Variants in CRIM1 observed in about 807,000 individuals in gnomAD.
The protein encoded by CRIM1 is cysteine-rich motor neuron 1 protein.
Under a neutral mutation model 116.4 loss-of-function variants are expected in CRIM1, and 32 were observed. The observed-to-expected ratio is 0.27, with a 90% CI of 0.21 to 0.37. The LOEUF (loss-of-function observed/expected upper bound fraction) is 0.37, where lower values mean the gene tolerates loss of function less well. CRIM1 is among the 10% of genes least tolerant of loss of function. CRIM1 has a pLI of 1.00. For missense variants in CRIM1, 1,331 were observed against 1,354.8 expected (o/e 0.98, Z 0.28); for synonymous variants, 590 against 509.2 (o/e 1.16, Z -2.13).
chr2:36,358,066 T>TGAA (rs1003717425), intron 1 of CRIM1, among the ~76,000 whole-genome samples: 9 of 152,130 alleles, frequency 5.9e-5, no homozygotes, highest in African/African-American at 2.2e-4. Flanking sequence ...CAGTGATGAG[T>TGAA]GAAGGGAACT....
intron 2 of CRIM1, among the ~76,000 whole-genome samples, chr2:36,422,688 A>C (rs1674163118): frequency 6.6e-6 from 1 of 152,236 alleles, no homozygotes; most frequent in Non-Finnish European, 1.5e-5. Context: ...GGTATAAATC[A>C]GCTTCATGAA....
chr2:36,513,410 C>G (rs1187640343), intron 10 of CRIM1, 146 bp from the exon 11 acceptor site: 1 of 640,008 alleles, frequency 1.6e-6, no homozygotes, highest in Non-Finnish European at 2.8e-6. Flanking sequence ...GACTTAAATT[C>G]TTTTCATGAA....
chr2:36,521,980 T>C, intron 12 of CRIM1, 112 bp from the exon 13 acceptor site: 1 of 808,752 alleles, frequency 1.2e-6, no homozygotes, highest in South Asian at 1.5e-5. Flanking sequence ...GCGTCATGTA[T>C]TTAAGGAGGC....
intron 7 of CRIM1, among the ~76,000 whole-genome samples, chr2:36,491,873 A>G (rs1026361941): frequency 4.6e-5 from 7 of 152,200 alleles, no homozygotes; most frequent in Non-Finnish European, 8.8e-5. Flanking sequence ...TATAATTCCT[A>G]TGAACATTAG....
chr2:36,374,841 T>G (rs1670201424), intron 1 of CRIM1, among the ~76,000 whole-genome samples: 1 of 139,798 alleles, frequency 7.2e-6, no homozygotes, highest in Non-Finnish European at 1.5e-5. Context: ...GCTCATGGCA[T>G]GAGGGCTGTG....
intron 1 of CRIM1, among the ~76,000 whole-genome samples, chr2:36,366,711 A>G (rs1287170334): frequency 6.6e-6 from 1 of 152,232 alleles, no homozygotes; most frequent in Non-Finnish European, 1.5e-5. Context: ...CCAGTCTACA[A>G]GAGGTAACTT....
Position 36,522,218 on chromosome 2 carries a change from T to C in CRIM1, c.2333T>C (p.Ile778Thr), listed in dbSNP as rs765742290. 1.4e-5 allele frequency: 23 copies of C among 1,614,096 alleles called. No homozygotes were observed. Among genetic ancestry groups the C allele is most frequent in the South Asian group, 9.9e-5 (9 of 91,084 alleles). Residue 778 changes from isoleucine (I) to threonine (T), a missense_variant, in exon 13 of 17, where the codon ATT (isoleucine) becomes ACT (threonine). Coordinates refer to ENST00000280527, the MANE Select transcript of CRIM1 (RefSeq NM_016441.3). ...GACGTTTGTACCAGCTGCATCTGCATTGATAGCGTAATTAGCTGTTTCTCT... is the reference window on the plus strand; with the variant it reads ...GACGTTTGTACCAGCTGCATCTGCACTGATAGCGTAATTAGCTGTTTCTCT... Reference protein sequence around the residue: ...KPDVCTSCICIDSVISCFSES... With the variant: ...KPDVCTSCICTDSVISCFSES...
chr2:36,456,267 G>T (rs987095521), intron 4 of CRIM1, among the ~76,000 whole-genome samples: 5 of 152,088 alleles, frequency 3.3e-5, no homozygotes, highest in African/African-American at 1.2e-4. Context: ...ATCCCCAGCC[G>T]CAATCCAGCT....
At chr2:36,363,691 T>G (rs3770958) in intron 1 of CRIM1, among the ~76,000 whole-genome samples, 1 of 151,830 alleles carries the variant, frequency 6.6e-6, no homozygotes, top group South Asian at 2.1e-4. Flanking sequence ...AATACTTAAT[T>G]TGGGGAGGAG....
At chr2:36,533,742 C>CTG (rs2125156699) in intron 13 of CRIM1, among the ~76,000 whole-genome samples, 1 of 152,308 alleles carries the variant, frequency 6.6e-6, no homozygotes, top group South Asian at 2.1e-4. Flanking sequence ...ACCCTGTATG[C>CTG]TGTAGCTCAG....
chr2:36,442,817 T>C, intron 4 of CRIM1, 82 bp downstream of exon 4: 1 of 1,534,308 alleles, frequency 6.5e-7, no homozygotes, highest in Non-Finnish European at 9.0e-7. Context: ...CAGTTTGTTT[T>C]CCCATGAGAA....
In CRIM1 at chr2:36,356,297, A is replaced by G. The variant is rs779933008; in HGVS notation, c.5A>G (p.Tyr2Cys). 2.2e-5 allele frequency: 34 copies of G among 1,519,346 alleles called. No homozygotes were observed. Among genetic ancestry groups the G allele is most frequent in the Non-Finnish European group, 2.8e-5 (32 of 1,131,112 alleles). 94.1% of individuals were successfully genotyped at this position (1,519,346 alleles called of 1,614,324 possible). M[Y>C]LVAGDRGLAG... is the part of the protein sequence containing the mutation. The stretch of plus-strand genomic sequence containing the variant: ...AGGCGGCGGCGGCGCAGGAGGATGT[A>G]CTTGGTGGCGGGGGACAGGGGGTTG... The change falls in exon 1 of 17, where the codon TAC becomes TGC. Residue 2 changes from tyrosine (Y) to cysteine (C), a missense_variant. Tyr to Cys is a radical substitution (Grantham distance 194, BLOSUM62 -2). Transcript: ENST00000280527. This position sits in a 1 kb window ranked among gnomAD's most constrained non-coding sequence, Gnocchi z 4.3.
At chr2:36,543,662 AT>A (rs1212831950) in intron 14 of CRIM1, among the ~76,000 whole-genome samples, 1 of 151,518 alleles carries the variant, frequency 6.6e-6, no homozygotes, top group Non-Finnish European at 1.5e-5. Flanking sequence ...ACAAAGAAAT[AT>A]TTGTAGGAGC....
chr2:36,408,319 G>T (rs942702177), intron 2 of CRIM1, among the ~76,000 whole-genome samples: 10 of 152,142 alleles, frequency 6.6e-5, no homozygotes, highest in African/African-American at 2.2e-4. Flanking sequence ...ACTCCTGCGC[G>T]TGTTTGTGGT....
At chr2:36,542,216 G>T (rs1558420172) in intron 14 of CRIM1, among the ~76,000 whole-genome samples, 1 of 152,196 alleles carries the variant, frequency 6.6e-6, no homozygotes. Context: ...AGACCCATGG[G>T]GGCCAGGATT....
intron 4 of CRIM1, among the ~76,000 whole-genome samples, chr2:36,455,639 C>A (rs1677081191): frequency 6.6e-6 from 1 of 152,180 alleles, no homozygotes; most frequent in African/African-American, 2.4e-5. Flanking sequence ...AGCCAGTGGT[C>A]AACTTGGAGA....
chr2:36,523,137 A>C (rs2125133043), intron 13 of CRIM1, among the ~76,000 whole-genome samples: 1 of 152,144 alleles, frequency 6.6e-6, no homozygotes, highest in South Asian at 2.1e-4. Context: ...GTATTTTAGT[A>C]GAGATGGGGA....
intron 7 of CRIM1, among the ~76,000 whole-genome samples, chr2:36,481,667 TTA>T (rs1679428325): frequency 6.6e-6 from 1 of 152,230 alleles, no homozygotes; most frequent in African/African-American, 2.4e-5. Context: ...GAAGCCTTTA[TTA>T]TCCCATTTTG....
Position 36,401,828 on chromosome 2 carries a change from T to C in CRIM1, c.505+5041T>C, listed in dbSNP as rs141708700. ...GGAAATCATTCATCTGTTTATTTCA[T>C]CCAGCAAGTATTTATGAAATGCCAG... is the stretch of plus-strand genomic sequence containing the variant. On this transcript the variant is annotated intron_variant, in intron 2 of 16. Coordinates refer to ENST00000280527, the MANE Select transcript of CRIM1 (RefSeq NM_016441.3). Among the ~76,000 whole-genome samples, 402 of 152,366 alleles carry C rather than the reference T, an allele frequency of 2.6e-3. 2 individuals are homozygous for C. Among genetic ancestry groups the C allele is most frequent in the African/African-American group, 9.0e-3 (376 of 41,592 alleles).
Sources: allele counts gnomAD v4.1 joint callset (sites outside exome capture counted in the v4.1 genomes callset), GRCh38; gene constraint gnomAD v4.1.1; non-coding constraint Gnocchi (gnomAD v3.1); transcripts MANE v1.5; gene names NCBI Gene and HGNC (gene_info 2026-07-23, HGNC 2026-07-21).